The following IQCM variants were observed in gnomAD, a reference collection of about 807,000 sequenced individuals.
The protein encoded by IQCM is IQ motif containing M.
IQCM carries 45 observed loss-of-function variants against 57.6 expected under a neutral mutation model. That is an observed-to-expected ratio of 0.78 (90% CI 0.62 to 1.00). The LOEUF (loss-of-function observed/expected upper bound fraction) is 1.00, where lower values mean the gene tolerates loss of function less well. IQCM is among the 50% of genes least tolerant of loss of function. IQCM has a pLI of 0.00. For synonymous variants in IQCM, 148 were observed against 158.9 expected (o/e 0.93, Z 0.51); for missense variants, 468 against 511.6 (o/e 0.91, Z 0.82).
At chr4:149,551,520 T>C (rs1043135963) in intron 11 of IQCM, among the ~76,000 whole-genome samples, 1 of 152,112 alleles carries the variant, frequency 6.6e-6, no homozygotes, top group African/African-American at 2.4e-5. Context: ...GTTTGGGGTA[T>C]GAAGAGAAGA....
chr4:149,591,697 G>A (rs1377108427), intron 8 of IQCM, among the ~76,000 whole-genome samples: 1 of 152,012 alleles, frequency 6.6e-6, no homozygotes, highest in Non-Finnish European at 1.5e-5. Context: ...GCACAAACAT[G>A]CGGTGTTTGG....
At position 149,646,228 on chromosome 4, in the gene IQCM, T is replaced by C. The variant is rs551633372; in HGVS notation, c.566-24984A>G. Among the ~76,000 whole-genome samples the C allele has an allele frequency of 2.6e-5, 4 of 152,328 alleles. No homozygotes were observed. The South Asian group carries it at 6.2e-4, about 24-fold the overall frequency. The stretch of plus-strand genomic sequence containing the variant: ...TTCTTTATATTATACTTCCCCTTAA[T>C]TAAATCACTCTATTGTTTATGTCTC... On this transcript the variant is annotated intron_variant, in intron 7 of 13. Transcript: ENST00000636793.
At chr4:149,804,309 G>A (rs1773881365) in intron 2 of IQCM, among the ~76,000 whole-genome samples, 1 of 151,938 alleles carries the variant, frequency 6.6e-6, no homozygotes, top group Non-Finnish European at 1.5e-5. Flanking sequence ...CAAAGTATGG[G>A]GGCCTTCCTT....
At chr4:149,734,940 C>T (rs529197087) in intron 4 of IQCM, among the ~76,000 whole-genome samples, 40 of 152,076 alleles carry the variant, frequency 2.6e-4, no homozygotes, top group Non-Finnish European at 4.9e-4. Flanking sequence ...GACCAGCAAA[C>T]GGACAATTTT....
intron 12 of IQCM, among the ~76,000 whole-genome samples, chr4:149,521,085 C>T (rs1745591654): frequency 6.6e-6 from 1 of 152,096 alleles, no homozygotes; most frequent in South Asian, 2.1e-4. Flanking sequence ...TGTTCTTACC[C>T]AAAGTGTCAT....
At chr4:149,779,547 T>C (rs144013263) in intron 2 of IQCM, among the ~76,000 whole-genome samples, 1 of 152,242 alleles carries the variant, frequency 6.6e-6, no homozygotes, top group Non-Finnish European at 1.5e-5. Context: ...TGGATATCTG[T>C]AGACCAAAAA....
intron 2 of IQCM, among the ~76,000 whole-genome samples, chr4:149,764,133 G>A (rs964517204): frequency 6.6e-6 from 1 of 152,080 alleles, no homozygotes; most frequent in African/African-American, 2.4e-5. Flanking sequence ...ACTGGTGCTT[G>A]GATATGCTGA....
intron 2 of IQCM, among the ~76,000 whole-genome samples, chr4:149,751,287 G>A (rs1435645215): frequency 6.6e-6 from 1 of 152,124 alleles, no homozygotes; most frequent in East Asian, 1.9e-4. Context: ...TCTCCCCTCC[G>A]TGAATTCTTT....
intron 8 of IQCM, among the ~76,000 whole-genome samples, chr4:149,603,683 A>T (rs17026323): frequency 0.015 from 2,284 of 152,146 alleles, 67 homozygotes; most frequent in African/African-American, 0.053. Flanking sequence ...CCCTGACAAA[A>T]TGAGAATGGC....
Position 149,740,414 on chromosome 4 carries a change from G to GA in IQCM, c.37+2240dup, listed in dbSNP as rs533579894. ...CCAAGTGCTTAAGAGTCTAGTGCTA[G>GA]AAAAAATGTGTAAATAAATGCCTTG... is the stretch of plus-strand genomic sequence containing the variant. On this transcript the variant is annotated intron_variant, in intron 3 of 13. Coordinates refer to ENST00000636793, the MANE Select transcript of IQCM (RefSeq NM_001363507.2). 4.9e-4 allele frequency among the ~76,000 whole-genome samples: 75 copies of GA among 152,244 alleles called. 3 individuals are homozygous for GA. In the South Asian group the frequency reaches 0.014, roughly 29 times the overall value.
intron 13 of IQCM, among the ~76,000 whole-genome samples, chr4:149,368,640 A>T (rs1730010345): frequency 6.6e-6 from 1 of 150,892 alleles, no homozygotes; most frequent in Non-Finnish European, 1.5e-5. Context: ...TTGAATTTGA[A>T]ATTCCTCATC....
intron 11 of IQCM, among the ~76,000 whole-genome samples, chr4:149,549,209 T>C (rs1186298364): frequency 6.6e-6 from 1 of 151,908 alleles, no homozygotes; most frequent in Non-Finnish European, 1.5e-5. Context: ...TAGAAAGGAG[T>C]TAGATAATGA....
At chr4:149,482,474 GT>G (rs1050660519) in intron 12 of IQCM, among the ~76,000 whole-genome samples, 1 of 151,796 alleles carries the variant, frequency 6.6e-6, no homozygotes, top group South Asian at 2.1e-4. Flanking sequence ...ATTATTGGAG[GT>G]TTTTTATCAT....
At chr4:149,410,666 C>G (rs1179952446) in intron 13 of IQCM, among the ~76,000 whole-genome samples, 6 of 151,594 alleles carry the variant, frequency 4.0e-5, no homozygotes, top group Admixed American at 3.9e-4. Context: ...TGCTCTTGTA[C>G]CTTTGCCTTA....
chr4:149,443,248 G>A (rs560594652), intron 12 of IQCM, among the ~76,000 whole-genome samples: 3 of 151,940 alleles, frequency 2.0e-5, no homozygotes, highest in East Asian at 3.9e-4. Flanking sequence ...AACTTCAATC[G>A]AATCTAGAAA....
chr4:149,800,561 G>C (rs1047396950), intron 2 of IQCM, among the ~76,000 whole-genome samples: 4 of 151,886 alleles, frequency 2.6e-5, no homozygotes, highest in African/African-American at 7.2e-5. Flanking sequence ...AATTATCTTT[G>C]TTTGCAGATG....
At chr4:149,500,600 C>A (rs1743138328) in intron 12 of IQCM, among the ~76,000 whole-genome samples, 1 of 152,014 alleles carries the variant, frequency 6.6e-6, no homozygotes, top group Admixed American at 6.6e-5. Context: ...GTGTCTCATC[C>A]CTTTTATTTT....
intron 7 of IQCM, among the ~76,000 whole-genome samples, chr4:149,661,775 T>C (rs1760239640): frequency 6.6e-6 from 1 of 152,130 alleles, no homozygotes; most frequent in South Asian, 2.1e-4. Context: ...AACCTTTGTA[T>C]TTCTGTGGTA....
intron 2 of IQCM, among the ~76,000 whole-genome samples, chr4:149,797,723 C>T (rs1242924865): frequency 2.6e-5 from 4 of 151,762 alleles, no homozygotes; most frequent in African/African-American, 9.7e-5. Context: ...TGTAATACGT[C>T]TAGCAGCAGA....
Sources: gnomAD v4.1 joint callset for allele counts (sites outside exome capture counted in the v4.1 genomes callset) on GRCh38, gnomAD v4.1.1 for gene constraint, MANE v1.5 for transcripts, NCBI Gene and HGNC (gene_info 2026-07-23, HGNC 2026-07-21) for gene names.